The following TTF1 variants were observed in gnomAD, a reference collection of about 807,000 sequenced individuals.
TTF1 encodes the protein transcription termination factor 1, also known as transcription termination factor, RNA polymerase I.
TTF1 carries 64 observed loss-of-function variants against 80.2 expected under a neutral mutation model. The ratio of observed to expected loss-of-function variants is 0.80; its 90% CI spans 0.65 to 0.98. The LOEUF is 0.98. TTF1 is among the 50% of genes least tolerant of loss of function. The probability of loss-of-function intolerance (pLI) is 0.00; values close to 1 mark genes in which losing one functional copy is unlikely to be tolerated. For missense variants in TTF1, 1,023 were observed against 1,086.2 expected, an observed-to-expected ratio of 0.94 and a Z score of 0.82; for synonymous variants, 372 against 382.7, an observed-to-expected ratio of 0.97 and a Z score of 0.33.
At chr9:132,377,176 GGT>G (rs777188099) in intron 10 of TTF1, among the ~76,000 whole-genome samples, 8 of 142,094 alleles carry the variant, frequency 5.6e-5, no homozygotes, top group African/African-American at 8.1e-5. Context: ...GCATGCATGT[GGT>G]GTGTGAGTGC....
At chr9:132,377,231 GGT>G (rs1213348555) in intron 10 of TTF1, among the ~76,000 whole-genome samples, 4 of 139,054 alleles carry the variant, frequency 2.9e-5, no homozygotes, top group South Asian at 2.4e-4. Flanking sequence ...GAGTGCATGT[GGT>G]GTGAGTGCAT....
chr9:132,378,342 GGT>G (rs1373528574), intron 10 of TTF1, among the ~76,000 whole-genome samples: 1 of 119,360 alleles, frequency 8.4e-6, no homozygotes, highest in Non-Finnish European at 1.7e-5. Flanking sequence ...GAATTCATGT[GGT>G]GTGAGTGCAT....
intron 9 of TTF1, among the ~76,000 whole-genome samples, chr9:132,379,934 A>G (rs1849337998): frequency 6.6e-6 from 1 of 152,268 alleles, no homozygotes; most frequent in African/African-American, 2.4e-5. Flanking sequence ...CAGTTGTTAA[A>G]ATGATTAGCA....
chr9:132,391,175 G>A (rs1849552586), intron 6 of TTF1, among the ~76,000 whole-genome samples: 1 of 152,194 alleles, frequency 6.6e-6, no homozygotes, highest in African/African-American at 2.4e-5. Flanking sequence ...CAGCCAAATG[G>A]CTTTTATGTT....
chr9:132,389,702 A>G (rs1564186248), intron 7 of TTF1, among the ~76,000 whole-genome samples: 1 of 152,178 alleles, frequency 6.6e-6, no homozygotes, highest in Non-Finnish European at 1.5e-5. Flanking sequence ...GGGGGTCATG[A>G]GCATGCAGAA....
At chr9:132,391,472 T>C (rs1849556260) in intron 6 of TTF1, among the ~76,000 whole-genome samples, 1 of 150,576 alleles carries the variant, frequency 6.6e-6, no homozygotes, top group Admixed American at 6.6e-5. Context: ...TCAAGAGATT[T>C]CCAAAAAAGA....
chr9:132,405,477 G>C (rs577460124), intron 1 of TTF1, among the ~76,000 whole-genome samples: 1 of 152,358 alleles, frequency 6.6e-6, no homozygotes, highest in African/African-American at 2.4e-5. Flanking sequence ...CAAAGCGCTG[G>C]GATTACAGGC....
chr9:132,381,014 C>T (rs1032711691), intron 9 of TTF1, among the ~76,000 whole-genome samples: 4 of 152,100 alleles, frequency 2.6e-5, no homozygotes, highest in Non-Finnish European at 4.4e-5. Flanking sequence ...CAGGCTCAAG[C>T]GATCCTCCCA....
At chr9:132,391,827 A>T (rs1323564031) in intron 6 of TTF1, among the ~76,000 whole-genome samples, 2 of 152,216 alleles carry the variant, frequency 1.3e-5, no homozygotes, top group Non-Finnish European at 2.9e-5. Context: ...GTCCTGGTCC[A>T]CTTGGCAGTT....
chr9:132,395,744 T>A (rs1230723900), intron 5 of TTF1, among the ~76,000 whole-genome samples: 1 of 152,214 alleles, frequency 6.6e-6, no homozygotes, highest in African/African-American at 2.4e-5. Context: ...AGAAGATTTA[T>A]GAAAGCTGCC....
chr9:132,389,476 C>T (rs1231807898), intron 7 of TTF1, among the ~76,000 whole-genome samples: 1 of 151,960 alleles, frequency 6.6e-6, no homozygotes, highest in African/African-American at 2.4e-5. Context: ...CCACCGTGCC[C>T]GGCCCTCACT....
Position 132,401,735 on chromosome 9 carries a change from C to A in TTF1, c.1087G>T (p.Val363Leu). The A allele has an allele frequency of 6.2e-7, 1 of 1,614,260 alleles. No individual in the cohort carries two copies. The highest frequency in any genetic ancestry group is 8.5e-7 in the Non-Finnish European group (1 of 1,180,050). Residue 363 changes from valine to leucine, a missense_variant, in exon 2 of 11, where the codon GTG becomes TTG. By Grantham distance (32) the Val-to-Leu change is conservative. Coordinates refer to ENST00000334270, the MANE Select transcript of TTF1 (RefSeq NM_007344.4). ...TCCACAGTCCCAACCTCACTGCCCA[C>A]CTGTGATCCTTCAGGGTATGCACTC... is the stretch of plus-strand genomic sequence containing the variant. ...LESAYPEGSQVGSEVGTVEGS... is the reference protein window; with the variant it reads ...LESAYPEGSQLGSEVGTVEGS...
At chr9:132,379,243 T>G (rs2131621173) in intron 9 of TTF1, 99 bp from the exon 10 acceptor site, 2 of 805,702 alleles carry the variant, frequency 2.5e-6, no homozygotes, top group Non-Finnish European at 3.7e-6. Context: ...AGGTTTATAG[T>G]TTTTTTTATC....
At chr9:132,376,213 G>C in intron 10 of TTF1, 45 bp from the exon 11 acceptor site, 1 of 1,574,000 alleles carries the variant, frequency 6.4e-7, no homozygotes, top group Non-Finnish European at 8.6e-7. Flanking sequence ...TCTGTACAAG[G>C]CCTCTTATCA....
intron 10 of TTF1, among the ~76,000 whole-genome samples, chr9:132,376,842 G>A (rs1849187173): frequency 6.6e-6 from 1 of 151,752 alleles, no homozygotes; most frequent in Admixed American, 6.6e-5. Flanking sequence ...CACCATGCCT[G>A]GACACTTTTT....
In TTF1 at chr9:132,384,959, G is replaced by A. The variant is rs147603254; in HGVS notation, c.2378+1597C>T. 4.6e-5 allele frequency among the ~76,000 whole-genome samples: 7 copies of A among 152,080 alleles called. No homozygotes were observed. The highest frequency in any genetic ancestry group is 1.4e-4 in the African/African-American group (6 of 41,410). On this transcript the variant is annotated intron_variant, in intron 9 of 10. Coordinates refer to ENST00000334270, the MANE Select transcript of TTF1 (RefSeq NM_007344.4). This position sits in a 1 kb window ranked among gnomAD's most constrained non-coding sequence, Gnocchi z 4.1. ...GCAAGAGCCACCGTGCCCAGCCTACGTTTCTTTAATTCTGGACTACGTAAT... is the reference window on the plus strand; with the variant it reads ...GCAAGAGCCACCGTGCCCAGCCTACATTTCTTTAATTCTGGACTACGTAAT...
chr9:132,378,342 G>T (rs2131619013), intron 10 of TTF1, among the ~76,000 whole-genome samples: 1 of 119,304 alleles, frequency 8.4e-6, no homozygotes, highest in Non-Finnish European at 1.7e-5. Context: ...GAATTCATGT[G>T]GTGTGAGTGC....
At chr9:132,398,347 G>C (rs1294231644) in intron 3 of TTF1, 21 bp from the exon 4 acceptor site, 1 of 1,581,242 alleles carries the variant, frequency 6.3e-7, no homozygotes, top group African/African-American at 1.5e-5. Context: ...GAAGGAACAG[G>C]GAGAAAGTGT....
intron 5 of TTF1, among the ~76,000 whole-genome samples, chr9:132,395,001 G>C (rs1849620915): frequency 6.6e-6 from 1 of 151,958 alleles, no homozygotes; most frequent in African/African-American, 2.4e-5. Flanking sequence ...AGACCAGTCT[G>C]ACCAATATGG....
Sources: gnomAD v4.1 joint callset for allele counts (sites outside exome capture counted in the v4.1 genomes callset) on GRCh38, gnomAD v4.1.1 for gene constraint, Gnocchi (gnomAD v3.1) non-coding constraint, MANE v1.5 for transcripts, NCBI Gene and HGNC (gene_info 2026-07-23, HGNC 2026-07-21) for gene names.